MLLT3: variants seen among roughly 807,000 people sequenced by gnomAD.
MLLT3 encodes the protein protein AF-9.
Under a neutral mutation model 53.2 loss-of-function variants are expected in MLLT3, and 4 were observed. That is an observed-to-expected ratio of 0.08 (90% CI 0.04 to 0.17). The LOEUF (loss-of-function observed/expected upper bound fraction) is 0.17. Among genes scored for constraint, MLLT3 ranks in the 10% least tolerant of loss-of-function variants. The probability of loss-of-function intolerance (pLI) is 1.00; values close to 1 mark genes in which losing one functional copy is unlikely to be tolerated. For missense variants in MLLT3, 569 were observed against 684.0 expected, an observed-to-expected ratio of 0.83 and a Z score of 1.87; for synonymous variants, 283 against 230.6, an observed-to-expected ratio of 1.23 and a Z score of -2.06.
At chr9:20,385,487 A>T (rs1822011472) in intron 5 of MLLT3, among the ~76,000 whole-genome samples, 1 of 152,208 alleles carries the variant, frequency 6.6e-6, no homozygotes, top group South Asian at 2.1e-4. Flanking sequence ...GTACCTTTCA[A>T]AAATTTTTAC....
chr9:20,500,553 T>A, intron 2 of MLLT3, among the ~76,000 whole-genome samples: 1 of 152,182 alleles, frequency 6.6e-6, no homozygotes, highest in Admixed American at 6.5e-5. Context: ...TACGGAAATC[T>A]TTGGAAAATT....
At chr9:20,532,708 C>G (rs1291946770) in intron 2 of MLLT3, 4 of 256,922 alleles carry the variant, frequency 1.6e-5, no homozygotes, top group Non-Finnish European at 3.0e-5. Flanking sequence ...GGACTTAACT[C>G]GCTTTGTGAA....
intron 4 of MLLT3, among the ~76,000 whole-genome samples, chr9:20,427,085 C>T (rs777217661): frequency 2.0e-5 from 3 of 151,942 alleles, no homozygotes; most frequent in East Asian, 1.9e-4. Flanking sequence ...AATACGAATT[C>T]GCGATTTAAA....
intron 4 of MLLT3, among the ~76,000 whole-genome samples, chr9:20,446,714 T>C (rs1452968745): frequency 6.6e-6 from 1 of 152,216 alleles, no homozygotes; most frequent in Non-Finnish European, 1.5e-5. Flanking sequence ...GGCATAGCCA[T>C]AGGTAAATGG....
rs927122296 is a variant in MLLT3, at chr9:20,379,872, C to G, written c.1126-14128G>C. 4.2e-4 allele frequency among the ~76,000 whole-genome samples: 64 copies of G among 151,950 alleles called. 2 individuals are homozygous for G. The highest frequency in any genetic ancestry group is 4.1e-3 in the Admixed American group (63 of 15,236). ...GCACCATGACTCCTACTAGCAAAAGCAGTTAACCATAAACTTAAAACAAAT... is the reference window on the plus strand; with the variant it reads ...GCACCATGACTCCTACTAGCAAAAGGAGTTAACCATAAACTTAAAACAAAT... On this transcript the variant is annotated intron_variant, in intron 5 of 10. Coordinates refer to ENST00000380338, the MANE Select transcript of MLLT3 (RefSeq NM_004529.4).
intron 2 of MLLT3, among the ~76,000 whole-genome samples, chr9:20,512,391 C>G (rs966658625): frequency 1.3e-5 from 2 of 152,220 alleles, no homozygotes; most frequent in Non-Finnish European, 2.9e-5. Flanking sequence ...GGCTCTCAAA[C>G]TGTGACTCCA....
At chr9:20,619,238 T>C (rs1419467024) in intron 2 of MLLT3, among the ~76,000 whole-genome samples, 1 of 152,248 alleles carries the variant, frequency 6.6e-6, no homozygotes, top group Non-Finnish European at 1.5e-5. Flanking sequence ...AGGCCATGCA[T>C]ATTTCTAGCC....
At chr9:20,622,193 C>A in intron 1 of MLLT3, 52 bp downstream of exon 1, 1 of 1,543,054 alleles carries the variant, frequency 6.5e-7, no homozygotes, top group Non-Finnish European at 8.9e-7. Flanking sequence ...CGGCGCAGGG[C>A]GAGGAAGGAA....
intron 2 of MLLT3, among the ~76,000 whole-genome samples, chr9:20,571,996 A>G (rs1184142202): frequency 1.3e-5 from 2 of 152,334 alleles, no homozygotes; most frequent in East Asian, 3.9e-4. Flanking sequence ...AAATAAAACA[A>G]TCACATGATC....
intron 5 of MLLT3, among the ~76,000 whole-genome samples, chr9:20,409,745 T>C (rs1483636345): frequency 6.6e-6 from 1 of 152,190 alleles, no homozygotes; most frequent in Non-Finnish European, 1.5e-5. Flanking sequence ...CCCTACCAAA[T>C]TCTTCTGTAG....
rs946520321 is a variant in MLLT3, at chr9:20,531,031, T to A, written c.194-74245A>T. 5.3e-5 allele frequency among the ~76,000 whole-genome samples: 8 copies of A among 152,226 alleles called. No individual in the cohort carries two copies. The South Asian group carries it at 1.4e-3, about 28-fold the overall frequency. ...TTATATTTTTAAGATACTTCTAGTT[T>A]TTTTCCCAAAAAAGAAAAATCCAAG... is the stretch of plus-strand genomic sequence containing the variant. On this transcript the variant is annotated intron_variant, in intron 2 of 10. Coordinates refer to ENST00000380338, the MANE Select transcript of MLLT3 (RefSeq NM_004529.4).
chr9:20,352,308 G>A (rs1390746345), intron 10 of MLLT3, among the ~76,000 whole-genome samples: 2 of 152,216 alleles, frequency 1.3e-5, no homozygotes, highest in African/African-American at 2.4e-5. Context: ...CTCCACAGTG[G>A]TTCAGAGCTG....
chr9:20,487,178 A>G (rs1045752760), intron 2 of MLLT3, among the ~76,000 whole-genome samples: 2 of 152,160 alleles, frequency 1.3e-5, no homozygotes, highest in Non-Finnish European at 2.9e-5. Flanking sequence ...AAGCAGAGCT[A>G]GTTTAACATG....
intron 2 of MLLT3, among the ~76,000 whole-genome samples, chr9:20,619,124 G>T (rs895284615): frequency 1.1e-4 from 17 of 152,158 alleles, no homozygotes; most frequent in Non-Finnish European, 2.2e-4. Flanking sequence ...ATAGAAATTT[G>T]ACATCGCTCA....
chr9:20,497,739 A>G lies in MLLT3; in HGVS notation c.194-40953T>C, dbSNP rs918667498. Reference sequence around the variant, plus strand: ...TCTGGGTGTCCTTCAGTTTGGGCCAATTACAAAAAAAAGTTCTTATGAACT... The same window carrying G: ...TCTGGGTGTCCTTCAGTTTGGGCCAGTTACAAAAAAAAGTTCTTATGAACT... On this transcript the variant is annotated intron_variant, in intron 2 of 10. Coordinates refer to ENST00000380338, the MANE Select transcript of MLLT3 (RefSeq NM_004529.4). Among the ~76,000 whole-genome samples the G allele has an allele frequency of 2.0e-5, 3 of 152,212 alleles. 1 individual carries two copies. The Middle Eastern group carries it at 0.01, about 518-fold the overall frequency.
At chr9:20,363,276 G>A (rs1821370186) in intron 7 of MLLT3, 200 bp downstream of exon 7, 2 of 532,600 alleles carry the variant, frequency 3.8e-6, no homozygotes, top group Admixed American at 7.7e-5. Context: ...ATTTTTAGAG[G>A]AAAAGCCTCT....
At chr9:20,582,526 G>C (rs1056576775) in intron 2 of MLLT3, among the ~76,000 whole-genome samples, 1 of 151,994 alleles carries the variant, frequency 6.6e-6, no homozygotes, top group Non-Finnish European at 1.5e-5. Context: ...CTTTCAATTG[G>C]CAATATGCAC....
At chr9:20,377,847 G>C (rs548998921) in intron 5 of MLLT3, among the ~76,000 whole-genome samples, 7 of 152,128 alleles carry the variant, frequency 4.6e-5, no homozygotes, top group South Asian at 2.1e-4. Context: ...GTTGACTTAA[G>C]ACTACCTCAT....
intron 2 of MLLT3, among the ~76,000 whole-genome samples, chr9:20,492,119 T>A (rs577555188): frequency 6.6e-6 from 1 of 152,102 alleles, no homozygotes; most frequent in Admixed American, 6.5e-5. Context: ...CCATAGCTAA[T>A]ATTTTCTGTA....
Sources: gnomAD v4.1 joint callset for allele counts (sites outside exome capture counted in the v4.1 genomes callset) on GRCh38, gnomAD v4.1.1 for gene constraint, MANE v1.5 for transcripts, NCBI Gene and HGNC (gene_info 2026-07-23, HGNC 2026-07-21) for gene names.